Variants in SSBP4 observed in about 807,000 individuals in gnomAD.
SSBP4 encodes single-stranded DNA-binding protein 4.
In SSBP4, 33 loss-of-function variants were observed where a neutral mutation model predicts 64.6. The observed-to-expected ratio is 0.51, with a 90% CI of 0.39 to 0.68. SSBP4 has a LOEUF of 0.68. Among genes scored for constraint, SSBP4 ranks in the 30% least tolerant of loss-of-function variants. SSBP4 has a pLI of 0.00. For synonymous variants in SSBP4, 243 were observed against 224.0 expected (o/e 1.08, Z -0.76); for missense variants, 583 against 566.8 (o/e 1.03, Z -0.29).
chr19:18,433,928 G>T, intron 17 of SSBP4, 111 bp downstream of exon 17: 1 of 1,251,508 alleles, frequency 8.0e-7, no homozygotes, highest in Non-Finnish European at 1.0e-6. Flanking sequence ...ACCGCGGCGG[G>T]CCAGGTGGGG....
chr19:18,431,151 G>C (rs2144781615), intron 5 of SSBP4, among the ~76,000 whole-genome samples: 1 of 152,164 alleles, frequency 6.6e-6, no homozygotes, highest in Non-Finnish European at 1.5e-5. Flanking sequence ...GCCTGCACAT[G>C]TGTGCGCACA....
chr19:18,419,566 G>T lies in SSBP4; in HGVS notation c.-83G>T. On this transcript the variant is annotated 5_prime_UTR_variant, in exon 1 of 18. Transcript: ENST00000270061. ...GGCTCGGGGCGGTGAGGCCCGGGGC[G>T]CGGGGTAGCTATGGCGACGGCAAGC... 1 of 1,189,754 alleles carries T rather than the reference G, an allele frequency of 8.4e-7. No homozygotes were observed. Among genetic ancestry groups the T allele is most frequent in the Non-Finnish European group, 1.0e-6 (1 of 957,880 alleles). The allele number at this position is 1,189,754 out of a possible 1,614,324, so 73.7% of individuals were successfully genotyped here.
At position 18,427,221 on chromosome 19, in the gene SSBP4, A is replaced by G; in HGVS notation, c.60-130A>G. The G allele has an allele frequency of 1.1e-6, 1 of 884,276 alleles. No homozygotes were observed. The highest frequency in any genetic ancestry group is 2.6e-5 in the East Asian group (1 of 37,892). The allele number at this position is 884,276 out of a possible 1,614,324, so 54.8% of individuals were successfully genotyped here. On this transcript the variant is annotated intron_variant, in intron 1 of 17. Transcript: ENST00000270061. The surrounding 1 kb of genome is among the most constrained non-coding windows in gnomAD (Gnocchi z 4.4). ...GCCTGCAGGACATAGATGGATAACT[A>G]TGAGCTGTCCCTGCTGAGCAGCTGG... is the stretch of plus-strand genomic sequence containing the variant.
At chr19:18,433,310 C>G in intron 15 of SSBP4, 97 bp downstream of exon 15, 1 of 1,439,982 alleles carries the variant, frequency 6.9e-7, no homozygotes, top group Non-Finnish European at 9.3e-7. Context: ...CGGGTGGAGG[C>G]GTCTAGTGGC....
Position 18,427,988 on chromosome 19 carries a change from T to G in SSBP4, c.279+6T>G, listed in dbSNP as rs1283157837. The G allele has an allele frequency of 6.5e-7, 1 of 1,548,046 alleles. No homozygotes were observed. The highest frequency in any genetic ancestry group is 2.5e-5 in the East Asian group (1 of 39,506). ...CCAAGGCCTTCCAGGACTATGTGAG[T>G]CCTGGCCCCAGGGACTCAGGGGCTC... On this transcript the variant is annotated splice_donor_region_variant and intron_variant, in intron 4 of 17. Coordinates refer to ENST00000270061, the MANE Select transcript of SSBP4 (RefSeq NM_032627.5). This position sits in a 1 kb window ranked among gnomAD's most constrained non-coding sequence, Gnocchi z 4.4.
In SSBP4 at chr19:18,427,206, C is replaced by T. The variant is rs902246144; in HGVS notation, c.60-145C>T. 1.3e-6 allele frequency: 1 copy of T among 794,762 alleles called. No homozygotes were observed. The highest frequency in any genetic ancestry group is 2.5e-5 in the Admixed American group (1 of 39,518). 49.2% of individuals were successfully genotyped at this position (794,762 alleles called of 1,614,324 possible). A position where few individuals can be genotyped will look rare whatever the true frequency, so the allele number is the denominator to read the frequency against. ...GGATGCCTGGGAGGGGCCTGCAGGA[C>T]ATAGATGGATAACTATGAGCTGTCC... On this transcript the variant is annotated intron_variant, in intron 1 of 17. Coordinates refer to ENST00000270061, the MANE Select transcript of SSBP4 (RefSeq NM_032627.5). This position sits in a 1 kb window ranked among gnomAD's most constrained non-coding sequence, Gnocchi z 4.4.
At chr19:18,415,263 A>T (rs1972122983), upstream of SSBP4, among the ~76,000 whole-genome samples, 2 of 152,208 alleles carry the variant, frequency 1.3e-5, no homozygotes, top group South Asian at 2.1e-4. Flanking sequence ...GAGGGGTTGC[A>T]GGGGGCGCCA....
At chr19:18,421,249 G>A (rs1972447930) in intron 1 of SSBP4, among the ~76,000 whole-genome samples, 1 of 152,246 alleles carries the variant, frequency 6.6e-6, no homozygotes, top group Admixed American at 6.5e-5. Flanking sequence ...TGCACTGTCA[G>A]GCCTCCCTTG....
intron 15 of SSBP4, 54 bp from the exon 16 acceptor site, chr19:18,433,531 G>C: frequency 5.2e-6 from 8 of 1,543,954 alleles, no homozygotes; most frequent in South Asian, 1.2e-5. Flanking sequence ...TGGAGGCCGA[G>C]GGGCATGGCG....
At chr19:18,431,538 T>C in intron 6 of SSBP4, 109 bp from the exon 7 acceptor site, 1 of 1,438,820 alleles carries the variant, frequency 7.0e-7, no homozygotes, top group Non-Finnish European at 9.3e-7. Context: ...TGCTGGCTGG[T>C]TCTGGAGGAG....
In SSBP4 at chr19:18,423,978, G is replaced by A. The variant is rs752098254; in HGVS notation, c.60-3373G>A. Reference sequence around the variant, plus strand: ...GTGGCGCCCCCAGACCTGGCCCCCGGAGCAGTCCTCTGGGAGGGGAGGACC... The same window carrying A: ...GTGGCGCCCCCAGACCTGGCCCCCGAAGCAGTCCTCTGGGAGGGGAGGACC... On this transcript the variant is annotated intron_variant, in intron 1 of 17. Coordinates refer to ENST00000270061, the MANE Select transcript of SSBP4 (RefSeq NM_032627.5). This position sits in a 1 kb window ranked among gnomAD's most constrained non-coding sequence, Gnocchi z 4.0. Among the ~76,000 whole-genome samples the A allele has an allele frequency of 1.4e-4, 22 of 152,174 alleles. No individual in the cohort carries two copies. Among genetic ancestry groups the A allele is most frequent in the Admixed American group, 4.6e-4 (7 of 15,284 alleles).
chr19:18,404,185 A>G, the SSBP4 span, among the ~76,000 whole-genome samples: 1 of 151,868 alleles, frequency 6.6e-6, no homozygotes, highest in East Asian at 1.9e-4. Context: ...ATCCTCAGAG[A>G]CATTTAGAGA....
chr19:18,433,379 C>A, intron 15 of SSBP4, 166 bp downstream of exon 15: 2 of 1,261,590 alleles, frequency 1.6e-6, no homozygotes, highest in Non-Finnish European at 2.2e-6. Context: ...GGAGGGGGAT[C>A]CAGCGACCAA....
intron 4 of SSBP4, 68 bp from the exon 5 acceptor site, chr19:18,430,773 G>C (rs919070157): frequency 1.6e-4 from 234 of 1,443,110 alleles, no homozygotes; most frequent in Non-Finnish European, 1.8e-4. Flanking sequence ...AGAGAGGGGG[G>C]GCACACCCCA....
At chr19:18,403,642 G>A in the SSBP4 span, among the ~76,000 whole-genome samples, 1 of 151,382 alleles carries the variant, frequency 6.6e-6, no homozygotes, top group Non-Finnish European at 1.5e-5. Flanking sequence ...TTGGGGTTTG[G>A]GAGTCCTGGG....
rs1972967313 is a variant in SSBP4 at position 18,427,787 on chromosome 19, C to A, written c.168C>A (p.Pro56=). ...AGAAGAACATCACGCTGGGGGAGCC[C>A]CCTGGGTTCCTGCACTCCTGGTGGT... The part of the protein sequence containing the change: ...RWEKNITLGE[P]PGFLHSWWCV... Residue 56 remains proline, a synonymous_variant, in exon 3 of 18, where the codon CCC becomes CCA. Coordinates refer to ENST00000270061, the MANE Select transcript of SSBP4 (RefSeq NM_032627.5). This position sits in a 1 kb window ranked among gnomAD's most constrained non-coding sequence, Gnocchi z 4.4. 1.2e-6 allele frequency: 2 copies of A among 1,606,332 alleles called. No homozygotes were observed. Among genetic ancestry groups the A allele is most frequent in the Admixed American group, 1.7e-5 (1 of 59,778 alleles).
intron 5 of SSBP4, 47 bp downstream of exon 5, chr19:18,430,977 T>C (rs754358861): frequency 2.5e-6 from 4 of 1,592,118 alleles, no homozygotes; most frequent in South Asian, 1.1e-5. Flanking sequence ...TGGCTGAACA[T>C]GCGTTTGAGG....
intron 4 of SSBP4, among the ~76,000 whole-genome samples, chr19:18,428,695 C>A (rs990057726): frequency 6.6e-6 from 1 of 152,214 alleles, no homozygotes; most frequent in Non-Finnish European, 1.5e-5. Context: ...CCACCCCCTA[C>A]CCCCTGTGCG....
rs1317506801 is a variant in SSBP4 at position 18,430,875 on chromosome 19, G to C, written c.314G>C (p.Ser105Thr). ...GCCGCCCCCAGCCCCGTTATGGGGA[G>C]TATGGCCCCAGGTGACACAATGGCC... ...AAAAPSPVMG[S>T]MAPGDTMAAG... The change falls in exon 5 of 18, where the codon AGT becomes ACT. Residue 105 changes from serine to threonine, a missense_variant. Physicochemically the swap from Ser to Thr is moderately conservative, Grantham distance 58. Around this residue, in one of 5 missense-constraint regions of SSBP4, gnomAD observed 444 missense variants for 386.6 expected, o/e 1.15. Coordinates refer to ENST00000270061, the MANE Select transcript of SSBP4 (RefSeq NM_032627.5). 1 of 1,613,318 alleles carries C rather than the reference G, an allele frequency of 6.2e-7. No individual in the cohort carries two copies. The highest frequency in any genetic ancestry group is 1.7e-5 in the Admixed American group (1 of 59,996).
Sources: gnomAD v4.1 joint callset for allele counts (sites outside exome capture counted in the v4.1 genomes callset) on GRCh38, gnomAD v4.1.1 for gene constraint, gnomAD v4.1.1 regional missense constraint, Gnocchi (gnomAD v3.1) non-coding constraint, MANE v1.5 for transcripts, NCBI Gene and HGNC (gene_info 2026-07-23, HGNC 2026-07-21) for gene names.